RBFOX1: variants seen among roughly 807,000 people sequenced by gnomAD.
The protein encoded by RBFOX1 is RNA binding protein fox-1 homolog 1.
RBFOX1 carries 8 observed loss-of-function variants against 57.7 expected under a neutral mutation model. The observed-to-expected ratio is 0.14, with a 90% confidence interval of 0.08 to 0.25. The LOEUF is 0.25. Among genes scored for constraint, RBFOX1 ranks in the 10% least tolerant of loss-of-function variants. The pLI is 1.00. For missense variants in RBFOX1, 611 were observed against 548.5 expected, an observed-to-expected ratio of 1.11 and a Z score of -1.14; for synonymous variants, 326 against 222.4, an observed-to-expected ratio of 1.47 and a Z score of -4.15.
At chr16:7,047,847 C>G (rs973841514) in intron 3 of RBFOX1, among the ~76,000 whole-genome samples, 2 of 149,676 alleles carry the variant, frequency 1.3e-5, no homozygotes, top group Admixed American at 1.3e-4. Flanking sequence ...TGTTTGGACA[C>G]CTTCAGTGAG....
chr16:6,448,980 G>A (rs1462470920), intron 2 of RBFOX1, among the ~76,000 whole-genome samples: 1 of 152,144 alleles, frequency 6.6e-6, no homozygotes, highest in African/African-American at 2.4e-5. Flanking sequence ...CAGATGTGTG[G>A]ATGCTTTTAT....
At chr16:6,387,122 C>G (rs1194754700) in intron 2 of RBFOX1, among the ~76,000 whole-genome samples, 3 of 152,154 alleles carry the variant, frequency 2.0e-5, no homozygotes, top group Non-Finnish European at 2.9e-5. Context: ...CAATGAACTT[C>G]AAATCCATGC....
At chr16:6,856,119 T>TCCTTC (rs1555533595) in intron 3 of RBFOX1, among the ~76,000 whole-genome samples, 7 of 151,750 alleles carry the variant, frequency 4.6e-5, no homozygotes, top group African/African-American at 1.2e-4. Context: ...TTCTTCCCTT[T>TCCTTC]CCTTCCCTTC....
At chr16:6,570,826 C>A (rs963851141) in intron 2 of RBFOX1, among the ~76,000 whole-genome samples, 2 of 152,120 alleles carry the variant, frequency 1.3e-5, no homozygotes, top group African/African-American at 4.8e-5. Context: ...TTTAAAGACT[C>A]AATTAACTTT....
intron 3 of RBFOX1, among the ~76,000 whole-genome samples, chr16:6,723,219 T>G (rs1271167879): frequency 6.6e-6 from 1 of 152,206 alleles, no homozygotes; most frequent in East Asian, 1.9e-4. Flanking sequence ...GTTTACATTG[T>G]GGCTTTCCCA....
intron 2 of RBFOX1, among the ~76,000 whole-genome samples, chr16:6,340,390 A>T (rs2084382878): frequency 6.6e-6 from 1 of 152,232 alleles, no homozygotes; most frequent in East Asian, 1.9e-4. Context: ...AATTTAGGGC[A>T]AATCCACAGA....
At chr16:7,014,242 G>T (rs138047983) in intron 3 of RBFOX1, among the ~76,000 whole-genome samples, 1 of 150,524 alleles carries the variant, frequency 6.6e-6, no homozygotes, top group African/African-American at 2.4e-5. Context: ...GTGGAGTCTC[G>T]CTCTGTCGCC....
intron 10 of RBFOX1, among the ~76,000 whole-genome samples, chr16:7,629,693 A>C (rs1332533429): frequency 6.6e-6 from 1 of 152,236 alleles, no homozygotes; most frequent in Non-Finnish European, 1.5e-5. Flanking sequence ...GTTGTTCAAA[A>C]TCTGTCATAG....
At chr16:5,484,781 G>A (rs59944838) in intron 2 of RBFOX1, among the ~76,000 whole-genome samples, 4 of 151,364 alleles carry the variant, frequency 2.6e-5, no homozygotes, top group East Asian at 3.9e-4. Context: ...GCGTGGTGGC[G>A]GGCACCTGTA....
intron 4 of RBFOX1, among the ~76,000 whole-genome samples, chr16:7,216,364 T>C (rs2092046038): frequency 6.6e-6 from 1 of 152,114 alleles, no homozygotes; most frequent in African/African-American, 2.4e-5. Context: ...AATAATGGCA[T>C]CTACCCTAGA....
intron 3 of RBFOX1, among the ~76,000 whole-genome samples, chr16:6,891,174 C>G (rs983989100): frequency 3.3e-5 from 5 of 152,170 alleles, no homozygotes; most frequent in African/African-American, 1.2e-4. Context: ...CCAATGCATC[C>G]ATTTTTATTA....
intron 2 of RBFOX1, among the ~76,000 whole-genome samples, chr16:6,611,067 C>T (rs193268027): frequency 3.2e-4 from 48 of 152,190 alleles, no homozygotes; most frequent in Non-Finnish European, 1.0e-4. Context: ...CCATTAAGGC[C>T]TAAGAAGCAA....
At chr16:5,841,460 C>T (rs2056623244) in intron 3 of RBFOX1, among the ~76,000 whole-genome samples, 2 of 152,242 alleles carry the variant, frequency 1.3e-5, no homozygotes, top group South Asian at 2.1e-4. Flanking sequence ...ATAATTTCCT[C>T]ACCTTGTCCC....
At chr16:6,576,570 T>C (rs1030694598) in intron 2 of RBFOX1, among the ~76,000 whole-genome samples, 22 of 152,294 alleles carry the variant, frequency 1.4e-4, no homozygotes, top group African/African-American at 4.3e-4. Context: ...CTTAGGTATG[T>C]TTTTACTGAG....
intron 1 of RBFOX1, among the ~76,000 whole-genome samples, chr16:6,182,969 G>A (rs1238338203): frequency 6.6e-6 from 1 of 152,128 alleles, no homozygotes; most frequent in African/African-American, 2.4e-5. Context: ...GGCGAAGGAT[G>A]AAAAGAAACC....
intron 4 of RBFOX1, among the ~76,000 whole-genome samples, chr16:7,163,665 A>T (rs375918159): frequency 7.2e-4 from 110 of 151,820 alleles, no homozygotes; most frequent in East Asian, 2.7e-3. Flanking sequence ...TAATTTAAAA[A>T]TTTAATTTTT....
intron 4 of RBFOX1, among the ~76,000 whole-genome samples, chr16:5,909,497 C>G (rs1345564251): frequency 6.6e-6 from 1 of 152,202 alleles, no homozygotes; most frequent in Non-Finnish European, 1.5e-5. Context: ...TCAGTCAGTC[C>G]TCTTCAGCAC....
intron 3 of RBFOX1, among the ~76,000 whole-genome samples, chr16:5,851,874 G>A (rs2056905450): frequency 6.6e-6 from 1 of 152,156 alleles, no homozygotes; most frequent in Admixed American, 6.5e-5. Flanking sequence ...GTCTTGGCCA[G>A]GTGTAGAGAG....
chr16:5,587,204 A>G (rs1482404963), intron 2 of RBFOX1, among the ~76,000 whole-genome samples: 1 of 152,232 alleles, frequency 6.6e-6, no homozygotes, highest in African/African-American at 2.4e-5. Flanking sequence ...TATCTGTAAG[A>G]GACTTACATC....
Sources: gnomAD v4.1 joint callset for allele counts (sites outside exome capture counted in the v4.1 genomes callset) on GRCh38, gnomAD v4.1.1 for gene constraint, MANE v1.5 for transcripts, NCBI Gene and HGNC (gene_info 2026-07-23, HGNC 2026-07-21) for gene names.